Variants in COLGALT2 observed in about 807,000 individuals in gnomAD.
The protein encoded by COLGALT2 is procollagen galactosyltransferase 2.
In COLGALT2, 49 loss-of-function variants were observed where a neutral mutation model predicts 73.4. That is an observed-to-expected ratio of 0.67 (90% CI 0.53 to 0.85). The LOEUF (loss-of-function observed/expected upper bound fraction) is 0.85, where lower values mean the gene tolerates loss of function less well. Ranked by LOEUF, COLGALT2 falls within the 40% of genes least tolerant of loss-of-function variation. COLGALT2 has a pLI of 0.00. For missense variants in COLGALT2, 722 were observed against 790.2 expected (o/e 0.91, Z 1.03); for synonymous variants, 295 against 307.6 (o/e 0.96, Z 0.43).
intron 10 of COLGALT2, among the ~76,000 whole-genome samples, chr1:183,942,170 G>A (rs1220975397): frequency 1.3e-5 from 2 of 151,882 alleles, no homozygotes; most frequent in East Asian, 1.9e-4. Context: ...GGATGGTCTC[G>A]ATCTCCTGAC....
chr1:183,937,850 A>T lies in COLGALT2; in HGVS notation c.*911T>A. ...TCTGTCTCTTAGCAGTGACTCACAG[A>T]ACTCACACCTGCGGTGGGTTCCCAG... On this transcript the variant is annotated 3_prime_UTR_variant, in exon 12 of 12. Transcript: ENST00000361927. 3.0e-6 allele frequency: 3 copies of T among 985,464 alleles called. No individual in the cohort carries two copies. In the South Asian group the frequency reaches 1.4e-4, roughly 46 times the overall value. The allele number at this position is 985,464 out of a possible 1,614,324, so 61.0% of individuals were successfully genotyped here.
At chr1:184,010,961 A>G (rs1198842160) in intron 1 of COLGALT2, among the ~76,000 whole-genome samples, 3 of 152,132 alleles carry the variant, frequency 2.0e-5, no homozygotes, top group Non-Finnish European at 4.4e-5. Flanking sequence ...CAAATACAAC[A>G]GGCCAGTGGG....
intron 1 of COLGALT2, among the ~76,000 whole-genome samples, chr1:184,018,285 A>G (rs1008258331): frequency 2.0e-5 from 3 of 147,510 alleles, no homozygotes; most frequent in Admixed American, 1.4e-4. Flanking sequence ...GAAAAAAAAA[A>G]TTATATCTGA....
chr1:183,957,595 A>G (rs1490366697), intron 6 of COLGALT2, among the ~76,000 whole-genome samples: 4 of 152,112 alleles, frequency 2.6e-5, no homozygotes, highest in African/African-American at 4.8e-5. Flanking sequence ...TTTTTCAAAC[A>G]CTTACATGCT....
intron 1 of COLGALT2, among the ~76,000 whole-genome samples, chr1:183,982,045 C>T (rs1401965408): frequency 6.6e-6 from 1 of 152,154 alleles, no homozygotes; most frequent in Non-Finnish European, 1.5e-5. Flanking sequence ...CTACAGATGA[C>T]ACCAATGGCC....
chr1:184,036,957 T>G, intron 1 of COLGALT2, 138 bp downstream of exon 1: 1 of 700,830 alleles, frequency 1.4e-6, no homozygotes, highest in Non-Finnish European at 2.0e-6. Context: ...CGAGGGGGTG[T>G]GTGCGCCAGA....
downstream of COLGALT2, among the ~76,000 whole-genome samples, chr1:183,932,595 C>T (rs536943448): frequency 2.2e-4 from 34 of 152,134 alleles, no homozygotes; most frequent in Non-Finnish European, 4.7e-4. Flanking sequence ...GACTGACTCA[C>T]GGAGCTGGAG....
At position 183,969,379 on chromosome 1, in the gene COLGALT2, A is replaced by T; in HGVS notation, c.722T>A (p.Ile241Asn). Residue 241 changes from isoleucine to asparagine, a missense_variant, in exon 5 of 12, where the codon ATT (isoleucine) becomes AAT (asparagine). Transcript: ENST00000361927. ...PVPMVHSTFL[I>N]DLRKEASDKL... is the part of the protein sequence containing the mutation. ...GTCCGAGGCCTCCTTCCTGAGGTCA[A>T]TTAGGAAGGTGGAGTGGACCATGGG... 6.2e-7 allele frequency: 1 copy of T among 1,613,968 alleles called. No individual in the cohort carries two copies. Among genetic ancestry groups the T allele is most frequent in the Non-Finnish European group, 8.5e-7 (1 of 1,179,882 alleles).
At position 183,939,415 on chromosome 1, in the gene COLGALT2, TG is replaced by T. The variant is rs1249064727; in HGVS notation, c.1605-379del. Among the ~76,000 whole-genome samples the T allele has an allele frequency of 2.0e-5, 3 of 152,298 alleles. No homozygotes were observed. In the East Asian group the frequency reaches 5.8e-4, roughly 29 times the overall value. ...ACACCTCACATCTGGACAGCAGTGA[TG>T]GGGCATGTGGCACGTGGAGGCTTAG... On this transcript the variant is annotated intron_variant, in intron 11 of 11. Coordinates refer to ENST00000361927, the MANE Select transcript of COLGALT2 (RefSeq NM_015101.4).
chr1:183,996,141 A>C (rs1190281985), intron 1 of COLGALT2, among the ~76,000 whole-genome samples: 1 of 152,208 alleles, frequency 6.6e-6, no homozygotes, highest in Non-Finnish European at 1.5e-5. Context: ...CATAAATGTT[A>C]GGAAATAAAC....
intron 2 of COLGALT2, among the ~76,000 whole-genome samples, chr1:183,977,870 G>T (rs1483271330): frequency 7.2e-6 from 1 of 138,360 alleles, no homozygotes; most frequent in Non-Finnish European, 1.6e-5. Context: ...AGAAAAGAAA[G>T]AAAAGAAGGA....
chr1:184,009,520 G>GT (rs1312775887), intron 1 of COLGALT2, among the ~76,000 whole-genome samples: 1 of 152,098 alleles, frequency 6.6e-6, no homozygotes, highest in Non-Finnish European at 1.5e-5. Flanking sequence ...TTTATCCTCT[G>GT]TTTTTTCTTG....
chr1:183,993,042 T>C (rs1671670952), intron 1 of COLGALT2, among the ~76,000 whole-genome samples: 1 of 152,196 alleles, frequency 6.6e-6, no homozygotes, highest in Non-Finnish European at 1.5e-5. Flanking sequence ...GCTAAATGAA[T>C]AACTAGATGC....
intron 1 of COLGALT2, among the ~76,000 whole-genome samples, chr1:184,019,514 A>G (rs1402033681): frequency 6.6e-6 from 1 of 152,200 alleles, no homozygotes; most frequent in African/African-American, 2.4e-5. Flanking sequence ...CAACTAAAGC[A>G]GATTGTTCTT....
chr1:183,999,326 G>A (rs1462358805), intron 1 of COLGALT2, among the ~76,000 whole-genome samples: 1 of 152,056 alleles, frequency 6.6e-6, no homozygotes, highest in African/African-American at 2.4e-5. Context: ...ACTCAATGCA[G>A]TATCTTTTTG....
intron 1 of COLGALT2, among the ~76,000 whole-genome samples, chr1:183,989,892 C>G (rs1671586417): frequency 6.6e-6 from 1 of 152,180 alleles, no homozygotes; most frequent in Non-Finnish European, 1.5e-5. Flanking sequence ...TGTGAAGGAG[C>G]TTTCAAGAAC....
In COLGALT2 at chr1:183,940,680, A is replaced by T; in HGVS notation, c.1505T>A (p.Ile502Asn). 1.9e-6 allele frequency: 3 copies of T among 1,614,198 alleles called. No homozygotes were observed. Among genetic ancestry groups the T allele is most frequent in the Non-Finnish European group, 2.5e-6 (3 of 1,180,044 alleles). ...CAGCTTCTGTGCTCCTTCCAGAGAG[A>T]TGACGTAGCCCAGGGTCCAGTAGGA... ...DYSYWTLGYV[I>N]SLEGAQKLVG... The change falls in exon 11 of 12, where the codon ATC (isoleucine) becomes AAC (asparagine). Residue 502 changes from isoleucine (I) to asparagine (N), a missense_variant. Transcript: ENST00000361927.
At chr1:183,958,606 T>A (rs1415925483) in intron 6 of COLGALT2, among the ~76,000 whole-genome samples, 6 of 151,202 alleles carry the variant, frequency 4.0e-5, no homozygotes, top group Admixed American at 6.6e-5. Context: ...AAAATCAAAT[T>A]AGATCTACCT....
intron 4 of COLGALT2, among the ~76,000 whole-genome samples, chr1:183,973,296 A>G (rs1206594752): frequency 6.6e-6 from 1 of 152,134 alleles, no homozygotes; most frequent in Non-Finnish European, 1.5e-5. Context: ...GTTTTTCTAT[A>G]GTGTTCTTAT....
Sources: gnomAD v4.1 joint callset for allele counts (sites outside exome capture counted in the v4.1 genomes callset) on GRCh38, gnomAD v4.1.1 for gene constraint, MANE v1.5 for transcripts, NCBI Gene and HGNC (gene_info 2026-07-23, HGNC 2026-07-21) for gene names.